SUCLG2: variants seen among roughly 807,000 people sequenced by gnomAD.
SUCLG2 encodes the protein succinate-CoA ligase GDP-forming subunit beta.
SUCLG2 carries 42 observed loss-of-function variants against 47.9 expected under a neutral mutation model. The ratio of observed to expected loss-of-function variants is 0.88; its 90% CI spans 0.69 to 1.14. The LOEUF is 1.14. SUCLG2 is among the 50% of genes most tolerant of loss of function. SUCLG2 has a pLI of 0.00. For synonymous variants in SUCLG2, 195 were observed against 197.3 expected (o/e 0.99, Z 0.10); for missense variants, 571 against 525.9 (o/e 1.09, Z -0.84).
At chr3:67,540,724 G>A (rs1706680313) in intron 2 of SUCLG2, among the ~76,000 whole-genome samples, 2 of 152,196 alleles carry the variant, frequency 1.3e-5, no homozygotes, top group Admixed American at 1.3e-4. Flanking sequence ...TCCTCTAGTG[G>A]GTCCCTGATC....
intron 8 of SUCLG2, among the ~76,000 whole-genome samples, chr3:67,497,097 A>G (rs1465654302): frequency 6.6e-6 from 1 of 152,184 alleles, no homozygotes; most frequent in East Asian, 1.9e-4. Context: ...TTGAGAGTGC[A>G]TTAGCTTATC....
chr3:67,652,474 T>G (rs558042865), intron 1 of SUCLG2, among the ~76,000 whole-genome samples: 1 of 152,244 alleles, frequency 6.6e-6, no homozygotes, highest in African/African-American at 2.4e-5. Flanking sequence ...CAAGGGACTA[T>G]GGAAACGTAA....
At chr3:67,646,056 T>C (rs1198683273) in intron 1 of SUCLG2, among the ~76,000 whole-genome samples, 1 of 102,244 alleles carries the variant, frequency 9.8e-6, no homozygotes, top group Non-Finnish European at 2.0e-5. Flanking sequence ...ATCAATGCTG[T>C]GGGCACGGGG....
rs1410410002 is a variant in SUCLG2 at position 67,520,414 on chromosome 3, C to CATTAAATATTTA, written c.570+56_570+67dup. 6 of 1,603,524 alleles carry CATTAAATATTTA rather than the reference C, an allele frequency of 3.7e-6. No individual in the cohort carries two copies. In the African/African-American group the frequency reaches 6.7e-5, roughly 18 times the overall value. ...TTAGTGCTCCTGGCCTTAGACTCCC[C>CATTAAATATTTA]ATTAAATATTTAACAGCTTCTACAA... is the stretch of plus-strand genomic sequence containing the variant. On this transcript the variant is annotated intron_variant, in intron 5 of 10. Transcript: ENST00000307227.
At chr3:67,505,714 C>T (rs529790687) in intron 7 of SUCLG2, among the ~76,000 whole-genome samples, 524 of 152,268 alleles carry the variant, frequency 3.4e-3, no homozygotes, top group African/African-American at 0.012. Context: ...GTAATCCCAG[C>T]ACTTTGGGAG....
intron 1 of SUCLG2, 96 bp downstream of exon 1, chr3:67,654,406 AG>A: frequency 3.9e-6 from 4 of 1,016,846 alleles, no homozygotes; most frequent in Non-Finnish European, 5.0e-6. Flanking sequence ...GGGGCCGCGC[AG>A]GGGGTCAGGC....
intron 10 of SUCLG2, among the ~76,000 whole-genome samples, chr3:67,393,854 C>T (rs905080391): frequency 7.9e-5 from 12 of 152,082 alleles, no homozygotes; most frequent in African/African-American, 2.2e-4. Context: ...CAGCAGCATT[C>T]GCGGTTCATG....
At chr3:67,386,426 C>T (rs529450711) in intron 10 of SUCLG2, among the ~76,000 whole-genome samples, 1 of 152,216 alleles carries the variant, frequency 6.6e-6, no homozygotes, top group African/African-American at 2.4e-5. Flanking sequence ...CTCAAGCAGC[C>T]CCACTGAGTC....
At chr3:67,589,588 T>C (rs1489969628) in intron 2 of SUCLG2, among the ~76,000 whole-genome samples, 2 of 152,228 alleles carry the variant, frequency 1.3e-5, no homozygotes, top group East Asian at 3.8e-4. Context: ...AGAGCCTATA[T>C]ATCCCCTGCC....
Position 67,476,425 on chromosome 3 carries a change from T to C in SUCLG2, c.1062+19373A>G, listed in dbSNP as rs962668355. Among the ~76,000 whole-genome samples the C allele has an allele frequency of 2.0e-5, 3 of 152,116 alleles. No individual in the cohort carries two copies. In the South Asian group the frequency reaches 6.2e-4, roughly 32 times the overall value. On this transcript the variant is annotated intron_variant, in intron 9 of 10. Coordinates refer to ENST00000307227, the MANE Select transcript of SUCLG2 (RefSeq NM_003848.4). The stretch of plus-strand genomic sequence containing the variant: ...CTTATGAGAATCTAATGCCTGATGA[T>C]CTGTCATTCTCTCCCATCACTACCA...
chr3:67,396,870 A>T (rs1238645909), intron 10 of SUCLG2, among the ~76,000 whole-genome samples: 5 of 152,220 alleles, frequency 3.3e-5, no homozygotes, highest in South Asian at 2.1e-4. Context: ...GGTTCAATAT[A>T]CGAAAATAAA....
chr3:67,529,331 G>A, intron 2 of SUCLG2, 145 bp from the exon 3 acceptor site: 1 of 632,680 alleles, frequency 1.6e-6, no homozygotes, highest in Non-Finnish European at 2.7e-6. Flanking sequence ...ATGCAATGAA[G>A]AACTTCAAAA....
At chr3:67,447,696 T>A (rs549325902) in intron 9 of SUCLG2, among the ~76,000 whole-genome samples, 89 of 152,306 alleles carry the variant, frequency 5.8e-4, no homozygotes, top group Non-Finnish European at 9.7e-4. Context: ...CTTGAAAAAA[T>A]TTGTCCCATT....
chr3:67,639,332 A>G (rs1347649583), intron 1 of SUCLG2, among the ~76,000 whole-genome samples: 1 of 152,060 alleles, frequency 6.6e-6, no homozygotes, highest in Admixed American at 6.5e-5. Flanking sequence ...AAACATCACA[A>G]AAAGCCCTGA....
At chr3:67,458,664 G>A (rs1258141868) in intron 9 of SUCLG2, among the ~76,000 whole-genome samples, 4 of 152,028 alleles carry the variant, frequency 2.6e-5, no homozygotes, top group African/African-American at 7.2e-5. Flanking sequence ...AGCAAAGGTC[G>A]GAGGGGAAAA....
chr3:67,576,416 G>A (rs536229865), intron 2 of SUCLG2, among the ~76,000 whole-genome samples: 1 of 152,136 alleles, frequency 6.6e-6, no homozygotes, highest in East Asian at 1.9e-4. Context: ...AAAAAAAAAA[G>A]GTAGACTTAG....
intron 10 of SUCLG2, among the ~76,000 whole-genome samples, chr3:67,383,489 G>T (rs796840354): frequency 1.3e-5 from 2 of 152,092 alleles, no homozygotes; most frequent in African/African-American, 4.8e-5. Flanking sequence ...TGGCTGTATT[G>T]TATCCACACC....
At chr3:67,603,858 CATTCACACA>C (rs1468992950) in intron 2 of SUCLG2, among the ~76,000 whole-genome samples, 3 of 152,144 alleles carry the variant, frequency 2.0e-5, no homozygotes, top group Admixed American at 1.3e-4. Flanking sequence ...GAAGATCAGT[CATTCACACA>C]GTAGGTATTC....
At chr3:67,591,474 C>A (rs950053971) in intron 2 of SUCLG2, among the ~76,000 whole-genome samples, 11 of 152,058 alleles carry the variant, frequency 7.2e-5, no homozygotes, top group African/African-American at 2.7e-4. Context: ...TGGGAGGGAC[C>A]CAGGAGAGGT....
Sources: allele counts gnomAD v4.1 joint callset (sites outside exome capture counted in the v4.1 genomes callset), GRCh38; gene constraint gnomAD v4.1.1; transcripts MANE v1.5; gene names NCBI Gene and HGNC (gene_info 2026-07-23, HGNC 2026-07-21).